GPR174: variants seen among roughly 807,000 people sequenced by gnomAD.
The protein encoded by GPR174 is G protein-coupled receptor 174, also known as probable G protein-coupled receptor 174.
In GPR174, 8 loss-of-function variants were observed where a neutral mutation model predicts 16.5. The ratio of observed to expected loss-of-function variants is 0.48; its 90% CI spans 0.28 to 0.87. GPR174 has a LOEUF of 0.87. Among genes scored for constraint, GPR174 ranks in the 40% least tolerant of loss-of-function variants. GPR174 has a pLI of 0.09. For missense variants in GPR174, 214 were observed against 247.5 expected (o/e 0.86, Z 0.91); for synonymous variants, 111 against 94.8 (o/e 1.17, Z -0.99).
Position 79,172,159 on chromosome X carries a change from G to A in GPR174, c.*150G>A. 1 of 518,051 alleles carries A rather than the reference G, an allele frequency of 1.9e-6. No individual in the cohort carries two copies. The highest frequency in any genetic ancestry group is 3.1e-6 in the Non-Finnish European group (1 of 324,400). 42.7% of individuals were successfully genotyped at this position (518,051 alleles called of 1,213,427 possible). ...ATGGGGAATTCACTTCTTCAAAGCA[G>A]GACCTATTTGGAGCATTACGATCCA... On this transcript the variant is annotated 3_prime_UTR_variant, in exon 3 of 3. Transcript: ENST00000645147.
At chrX:79,146,996 C>G (rs897500432) in intron 1 of GPR174, among the ~76,000 whole-genome samples, 3 of 111,647 alleles carry the variant, frequency 2.7e-5, no homozygotes, top group Non-Finnish European at 5.7e-5. Flanking sequence ...TGACTCCCCA[C>G]CCAAAACCTT....
In GPR174 at chrX:79,170,785, A is replaced by T. The variant is rs1015449742; in HGVS notation, c.-223A>T. The T allele has an allele frequency of 1.7e-5, 7 of 404,732 alleles. No individual in the cohort carries two copies. The African/African-American group carries it at 1.8e-4, about 10-fold the overall frequency. The allele number at this position is 404,732 out of a possible 1,213,427, so 33.4% of individuals were successfully genotyped here. On this transcript the variant is annotated 5_prime_UTR_variant, in exon 3 of 3. The change abolishes an upstream ATG in the 5' untranslated region. Coordinates refer to ENST00000645147, the MANE Select transcript of GPR174 (RefSeq NM_032553.3). ...ATCTGTGCTTGTACACTAGACTTCC[A>T]TGTAGTTACTCTAGAGAAATCTAAA...
chrX:79,165,601 G>A (rs1013952641), intron 2 of GPR174, among the ~76,000 whole-genome samples: 1 of 111,561 alleles, frequency 9.0e-6, no homozygotes, highest in African/African-American at 3.3e-5. Flanking sequence ...CTTAAAATAA[G>A]GATTTTCGGT....
chrX:79,153,450 C>G (rs1167870718), intron 1 of GPR174, among the ~76,000 whole-genome samples: 1 of 111,725 alleles, frequency 9.0e-6, no homozygotes, highest in Non-Finnish European at 1.9e-5. Flanking sequence ...ATTTTAGTCA[C>G]TTTCTTCCAG....
At chrX:79,151,356 C>T (rs1415684288) in intron 1 of GPR174, among the ~76,000 whole-genome samples, 1 of 110,713 alleles carries the variant, frequency 9.0e-6, no homozygotes, top group African/African-American at 3.3e-5. Flanking sequence ...TTCAACACCA[C>T]TTTATTGAGG....
In GPR174 at chrX:79,172,220, T is replaced by G; in HGVS notation, c.*211T>G. 1 of 389,206 alleles carries G rather than the reference T, an allele frequency of 2.6e-6. No individual in the cohort carries two copies. Among genetic ancestry groups the G allele is most frequent in the Non-Finnish European group, 4.5e-6 (1 of 224,385 alleles). The allele number at this position is 389,206 out of a possible 1,213,427, so 32.1% of individuals were successfully genotyped here. ...TGTTGACATGTCCATGTAGTAATTT[T>G]TCTTCAAGTCTGTAAATCTTAAAAT... On this transcript the variant is annotated 3_prime_UTR_variant, in exon 3 of 3. Coordinates refer to ENST00000645147, the MANE Select transcript of GPR174 (RefSeq NM_032553.3).
rs779292495 is a variant in GPR174, at chrX:79,170,673, T to C, written c.-335T>C. ...ATTTGAGGAACTGCTATATGGTACATTCCTTTTCCAAATGGGAGAGAATAA... is the reference window on the plus strand; with the variant it reads ...ATTTGAGGAACTGCTATATGGTACACTCCTTTTCCAAATGGGAGAGAATAA... On this transcript the variant is annotated 5_prime_UTR_variant, in exon 3 of 3. Transcript: ENST00000645147. 1.8e-5 allele frequency: 4 copies of C among 222,674 alleles called. No individual in the cohort carries two copies. The highest frequency in any genetic ancestry group is 3.2e-5 in the Non-Finnish European group (4 of 125,544). 18.4% of individuals were successfully genotyped at this position (222,674 alleles called of 1,213,427 possible).
chrX:79,152,552 T>A (rs1926622852), intron 1 of GPR174, among the ~76,000 whole-genome samples: 1 of 111,555 alleles, frequency 9.0e-6, no homozygotes, highest in South Asian at 3.7e-4. Context: ...TCCTAATTAT[T>A]TCCCACCACA....
intron 2 of GPR174, among the ~76,000 whole-genome samples, chrX:79,170,025 C>G (rs1243253460): frequency 1.8e-5 from 2 of 111,946 alleles, no homozygotes; most frequent in Non-Finnish European, 3.8e-5. Flanking sequence ...AGGAAACACC[C>G]AGAAGCTTGT....
rs1000924977 is a variant in GPR174 at position 79,174,269 on chromosome X, T to G, written c.*2260T>G. On this transcript the variant is annotated 3_prime_UTR_variant, in exon 3 of 3. Coordinates refer to ENST00000645147, the MANE Select transcript of GPR174 (RefSeq NM_032553.3). ...TTCCCCAGGCCTGCCCATCTACGTT[T>G]GTATTCAGTGCTCTGATTTACTTTA... is the stretch of plus-strand genomic sequence containing the variant. 9.3e-6 allele frequency: 1 copy of G among 107,109 alleles called. No individual in the cohort carries two copies. Among genetic ancestry groups the G allele is most frequent in the African/African-American group, 3.4e-5 (1 of 29,387 alleles). The allele number at this position is 107,109 out of a possible 1,213,427, so 8.8% of individuals were successfully genotyped here. A position where few individuals can be genotyped will look rare whatever the true frequency, so the allele number is the denominator to read the frequency against.
In GPR174 at chrX:79,171,958, A is replaced by T. The variant is rs776169203; in HGVS notation, c.951A>T (p.Lys317Asn). The change falls in exon 3 of 3, where the codon AAA (lysine) becomes AAT (asparagine). Residue 317 changes from lysine to asparagine, a missense_variant. Physicochemically the swap from Lys to Asn is moderately conservative, Grantham distance 94 (BLOSUM62 0). Coordinates refer to ENST00000645147, the MANE Select transcript of GPR174 (RefSeq NM_032553.3). ...ATGACAGCATCCAACTCCATGCAAA[A>T]TCCTTTGTGAGTAACCATACAGCTT... is the stretch of plus-strand genomic sequence containing the variant. ...DLHDSIQLHA[K>N]SFVSNHTAST... 1.7e-6 allele frequency: 2 copies of T among 1,205,355 alleles called. No homozygotes were observed. The highest frequency in any genetic ancestry group is 5.9e-5 in the East Asian group (2 of 33,701).
chrX:79,167,384 A>T (rs140433572), intron 2 of GPR174, among the ~76,000 whole-genome samples: 2 of 111,566 alleles, frequency 1.8e-5, no homozygotes, highest in African/African-American at 6.5e-5. Context: ...ATTTTGAGAA[A>T]CCCTGCCTAA....
intron 1 of GPR174, among the ~76,000 whole-genome samples, chrX:79,146,959 C>T (rs182341285): frequency 6.3e-5 from 7 of 111,535 alleles, no homozygotes; most frequent in East Asian, 2.9e-4. Flanking sequence ...AGGGCACAGA[C>T]GGTGCCTCTT....
chrX:79,170,289 G>T (rs755762061), intron 2 of GPR174, among the ~76,000 whole-genome samples, 163 bp from the exon 3 acceptor site: 1 of 110,496 alleles, frequency 9.1e-6, no homozygotes, highest in African/African-American at 3.3e-5. Flanking sequence ...TTCAAGCTAT[G>T]TTTTTCTGTG....
chrX:79,157,834 G>A (rs763202680), intron 2 of GPR174, among the ~76,000 whole-genome samples: 1 of 110,094 alleles, frequency 9.1e-6, no homozygotes, highest in Non-Finnish European at 1.9e-5. Context: ...TCATTGTAAA[G>A]GAACATGTCT....
At chrX:79,146,690 G>T (rs751115996) in intron 1 of GPR174, among the ~76,000 whole-genome samples, 2 of 111,930 alleles carry the variant, frequency 1.8e-5, no homozygotes, top group Non-Finnish European at 3.8e-5. Flanking sequence ...AGATTAATAC[G>T]ATGCTGAATA....
At position 79,170,661 on chromosome X, in the gene GPR174, CT is replaced by C. The variant is rs1921489165; in HGVS notation, c.-346del. ...CGTCATATAGGAATTTGAGGAACTG[CT>C]ATATGGTACATTCCTTTTCCAAATG... On this transcript the variant is annotated 5_prime_UTR_variant, in exon 3 of 3. Transcript: ENST00000645147. 5.2e-6 allele frequency: 1 copy of C among 190,979 alleles called. No individual in the cohort carries two copies. The highest frequency in any genetic ancestry group is 3.0e-5 in the African/African-American group (1 of 33,106). The allele number at this position is 190,979 out of a possible 1,213,427, so 15.7% of individuals were successfully genotyped here.
chrX:79,167,147 C>A (rs1921393713), intron 2 of GPR174, among the ~76,000 whole-genome samples: 1 of 112,044 alleles, frequency 8.9e-6, no homozygotes, highest in African/African-American at 3.2e-5. Context: ...TGAATTCCTG[C>A]AAAAACTTCA....
In GPR174 at chrX:79,174,361, C is replaced by A. The variant is rs1343980039; in HGVS notation, c.*2352C>A. On this transcript the variant is annotated 3_prime_UTR_variant, in exon 3 of 3. Coordinates refer to ENST00000645147, the MANE Select transcript of GPR174 (RefSeq NM_032553.3). ...TTCCCTTGCTCTCCCAGGCAGCAAC[C>A]TGATCAATTCATTCACACCATGGTG... is the stretch of plus-strand genomic sequence containing the variant. 2.8e-5 allele frequency: 3 copies of A among 106,023 alleles called. No individual in the cohort carries two copies. The highest frequency in any genetic ancestry group is 1.0e-4 in the African/African-American group (3 of 28,981). 8.7% of individuals were successfully genotyped at this position (106,023 alleles called of 1,213,427 possible).
Sources: allele counts gnomAD v4.1 joint callset (sites outside exome capture counted in the v4.1 genomes callset), GRCh38; gene constraint gnomAD v4.1.1; transcripts MANE v1.5; gene names NCBI Gene and HGNC (gene_info 2026-07-23, HGNC 2026-07-21).